ABCA13: variants seen among roughly 807,000 people sequenced by gnomAD.
ABCA13 encodes ATP binding cassette subfamily A member 13.
Under a neutral mutation model 478.7 loss-of-function variants are expected in ABCA13, and 476 were observed. That is an observed-to-expected ratio of 0.99 (90% CI 0.92 to 1.07). The LOEUF (loss-of-function observed/expected upper bound fraction) is 1.07. ABCA13 is among the 50% of genes least tolerant of loss of function. The probability of loss-of-function intolerance (pLI) is 0.00; values close to 1 mark genes in which losing one functional copy is unlikely to be tolerated. For missense variants in ABCA13, 6,060 were observed against 5,910.6 expected, an observed-to-expected ratio of 1.03 and a Z score of -0.83; for synonymous variants, 2,252 against 2,158.9, an observed-to-expected ratio of 1.04 and a Z score of -1.20.
intron 42 of ABCA13, among the ~76,000 whole-genome samples, chr7:48,450,822 C>G (rs1443271687): frequency 6.6e-6 from 1 of 152,048 alleles, no homozygotes; most frequent in Non-Finnish European, 1.5e-5. Context: ...GCTTTATTCA[C>G]TTACAAAATG....
chr7:48,318,478 G>A (rs1256774268), intron 27 of ABCA13, among the ~76,000 whole-genome samples: 2 of 151,582 alleles, frequency 1.3e-5, no homozygotes, highest in Admixed American at 1.3e-4. Flanking sequence ...TGAGATTACA[G>A]GTGTGTGCCC....
chr7:48,384,952 C>T (rs779610929), intron 35 of ABCA13, among the ~76,000 whole-genome samples: 3 of 152,128 alleles, frequency 2.0e-5, no homozygotes, highest in African/African-American at 4.8e-5. Context: ...GATTAGTCCT[C>T]GCTCTTGTGA....
At chr7:48,187,046 C>CAT (rs1174298576) in intron 1 of ABCA13, among the ~76,000 whole-genome samples, 8 of 144,204 alleles carry the variant, frequency 5.5e-5, no homozygotes, top group Non-Finnish European at 1.2e-4. Flanking sequence ...TCAGTGTATA[C>CAT]ATATATATAT....
chr7:48,179,661 C>T (rs1795389671), intron 1 of ABCA13, among the ~76,000 whole-genome samples: 1 of 152,120 alleles, frequency 6.6e-6, no homozygotes, highest in Admixed American at 6.6e-5. Flanking sequence ...GTCCCGGAGC[C>T]ACAGAATGAT....
At position 48,278,513 on chromosome 7, in the gene ABCA13, C is replaced by A. The variant is rs919714422; in HGVS notation, c.7319C>A (p.Ala2440Asp). ...ILHSPNKDFYALYPTLQEVIL... is the reference protein window; with the variant it reads ...ILHSPNKDFYDLYPTLQEVIL... ...CACTCTCCTAATAAGGACTTCTATG[C>A]TTTGTATCCTACCCTCCAAGAAGTT... The change falls in exon 18 of 62, where the codon GCT (alanine) becomes GAT (aspartate). Residue 2440 changes from alanine (A) to aspartate (D), a missense_variant. Physicochemically the swap from Ala to Asp is moderately radical, Grantham distance 126. Transcript: ENST00000435803. 5 of 1,613,870 alleles carry A rather than the reference C, an allele frequency of 3.1e-6. No homozygotes were observed. Among genetic ancestry groups the A allele is most frequent in the Non-Finnish European group, 3.4e-6 (4 of 1,179,802 alleles).
At chr7:48,615,716 A>C (rs1792502875) in intron 59 of ABCA13, among the ~76,000 whole-genome samples, 1 of 152,164 alleles carries the variant, frequency 6.6e-6, no homozygotes, top group African/African-American at 2.4e-5. Flanking sequence ...TACACACAAA[A>C]TGCCTTATGA....
At chr7:48,213,307 A>T (rs1333690782) in intron 3 of ABCA13, among the ~76,000 whole-genome samples, 1 of 152,254 alleles carries the variant, frequency 6.6e-6, no homozygotes, top group Non-Finnish European at 1.5e-5. Flanking sequence ...AAATATTGCA[A>T]TAAAGTGAGT....
intron 55 of ABCA13, among the ~76,000 whole-genome samples, chr7:48,549,527 C>T (rs1022250311): frequency 1.3e-5 from 2 of 151,730 alleles, no homozygotes; most frequent in Non-Finnish European, 2.9e-5. Context: ...AATAAACATA[C>T]GTGTGCATGT....
rs1791998738 is a variant in ABCA13 at position 48,248,221 on chromosome 7, T to C, written c.1660-18T>C. 6.2e-7 allele frequency: 1 copy of C among 1,600,776 alleles called. No individual in the cohort carries two copies. The highest frequency in any genetic ancestry group is 1.1e-5 in the South Asian group (1 of 90,358). ...ATTGCTTTATTTATTATAAGCAATA[T>C]CTTCTTTTCTTGTTAAGGATCGTAT... is the stretch of plus-strand genomic sequence containing the variant. On this transcript the variant is annotated intron_variant, in intron 13 of 61. Coordinates refer to ENST00000435803, the MANE Select transcript of ABCA13 (RefSeq NM_152701.5).
intron 42 of ABCA13, among the ~76,000 whole-genome samples, chr7:48,428,683 A>G (rs1289271576): frequency 2.0e-5 from 3 of 152,242 alleles, no homozygotes; most frequent in East Asian, 1.9e-4. Flanking sequence ...TTTGAAAAAC[A>G]TATAATTTAG....
At chr7:48,499,772 A>G (rs1443179116) in intron 48 of ABCA13, among the ~76,000 whole-genome samples, 1 of 152,194 alleles carries the variant, frequency 6.6e-6, no homozygotes, top group Admixed American at 6.5e-5. Context: ...AGATTCTTCT[A>G]CTCAATTCTG....
intron 58 of ABCA13, among the ~76,000 whole-genome samples, chr7:48,598,560 C>T (rs1790538454): frequency 6.6e-6 from 1 of 152,204 alleles, no homozygotes; most frequent in African/African-American, 2.4e-5. Flanking sequence ...TTTTATGTAG[C>T]AGATATTCCT....
intron 48 of ABCA13, among the ~76,000 whole-genome samples, chr7:48,493,211 C>A (rs1455804981): frequency 6.6e-6 from 1 of 152,064 alleles, no homozygotes; most frequent in Non-Finnish European, 1.5e-5. Context: ...CATAGGTATT[C>A]AATAAATAGG....
At chr7:48,417,760 T>A (rs920898618) in intron 41 of ABCA13, among the ~76,000 whole-genome samples, 1 of 152,156 alleles carries the variant, frequency 6.6e-6, no homozygotes, top group Non-Finnish European at 1.5e-5. Flanking sequence ...TATAATTCCA[T>A]GTATCTGCCA....
intron 3 of ABCA13, among the ~76,000 whole-genome samples, chr7:48,207,620 A>G (rs776882950): frequency 6.6e-6 from 1 of 151,604 alleles, no homozygotes; most frequent in Non-Finnish European, 1.5e-5. Context: ...GTCTATTCAG[A>G]TTTTTGCCTA....
chr7:48,378,611 A>G (rs1813862384), intron 35 of ABCA13, among the ~76,000 whole-genome samples: 1 of 152,104 alleles, frequency 6.6e-6, no homozygotes, highest in African/African-American at 2.4e-5. Context: ...CAAACAATCC[A>G]CCATCTTCAT....
At chr7:48,436,480 A>G (rs1284307352) in intron 42 of ABCA13, among the ~76,000 whole-genome samples, 2 of 151,658 alleles carry the variant, frequency 1.3e-5, no homozygotes, top group Non-Finnish European at 3.0e-5. Context: ...TATTGACTTC[A>G]TTGATTTTTC....
At chr7:48,620,582 C>T (rs1793040581) in intron 59 of ABCA13, among the ~76,000 whole-genome samples, 2 of 152,172 alleles carry the variant, frequency 1.3e-5, no homozygotes, top group African/African-American at 4.8e-5. Context: ...TTTTGGGCAG[C>T]AAATTGTCCT....
chr7:48,378,576 G>T (rs541733915), intron 35 of ABCA13, among the ~76,000 whole-genome samples: 1 of 152,130 alleles, frequency 6.6e-6, no homozygotes, highest in East Asian at 1.9e-4. Flanking sequence ...CTAATTCCCT[G>T]CCCTCCCATT....
Sources: allele counts gnomAD v4.1 joint callset (sites outside exome capture counted in the v4.1 genomes callset), GRCh38; gene constraint gnomAD v4.1.1; transcripts MANE v1.5; gene names NCBI Gene and HGNC (gene_info 2026-07-23, HGNC 2026-07-21).